The following FAM171A1 variants were observed in gnomAD, a reference collection of about 807,000 sequenced individuals.
The protein encoded by FAM171A1 is family with sequence similarity 171 member A1.
A neutral mutation model predicts 74.9 loss-of-function variants in FAM171A1; 23 were observed. That is an observed-to-expected ratio of 0.31 (90% CI 0.22 to 0.44). The LOEUF (loss-of-function observed/expected upper bound fraction) is 0.44, where lower values mean the gene tolerates loss of function less well. Ranked by LOEUF, FAM171A1 falls within the 20% of genes least tolerant of loss-of-function variation. The probability of loss-of-function intolerance (pLI) is 1.00; values close to 1 mark genes in which losing one functional copy is unlikely to be tolerated. For missense variants in FAM171A1, 1,162 were observed against 1,159.2 expected, an observed-to-expected ratio of 1.00 and a Z score of -0.03; for synonymous variants, 527 against 505.7, an observed-to-expected ratio of 1.04 and a Z score of -0.57.
chr10:15,215,595 A>C (rs1833957025), intron 7 of FAM171A1, among the ~76,000 whole-genome samples: 1 of 152,098 alleles, frequency 6.6e-6, no homozygotes, highest in Admixed American at 6.6e-5. Flanking sequence ...CGAACTTCTG[A>C]CCTCAAGTGA....
At chr10:15,328,037 T>C (rs2352776) in intron 1 of FAM171A1, among the ~76,000 whole-genome samples, 62,288 of 150,222 alleles carry the variant, frequency 0.41, 13,532 homozygotes, top group East Asian at 0.8. Flanking sequence ...GAAATAATGA[T>C]GTTGCCATTG....
At chr10:15,231,231 TTC>T (rs926070232) in intron 5 of FAM171A1, among the ~76,000 whole-genome samples, 1 of 151,670 alleles carries the variant, frequency 6.6e-6, no homozygotes, top group African/African-American at 2.4e-5. Context: ...TTGAGGCAGG[TTC>T]TCTCTCTATC....
chr10:15,228,041 T>C (rs1834131529), intron 5 of FAM171A1, among the ~76,000 whole-genome samples: 1 of 152,042 alleles, frequency 6.6e-6, no homozygotes, highest in African/African-American at 2.4e-5. Flanking sequence ...CAAATGGCCA[T>C]CAAAAGAGAA....
At chr10:15,271,046 CAGA>C (rs1447171490) in intron 3 of FAM171A1, among the ~76,000 whole-genome samples, 4 of 152,166 alleles carry the variant, frequency 2.6e-5, no homozygotes, top group African/African-American at 9.7e-5. Context: ...GATGAGCTGA[CAGA>C]AGAATGCTTC....
intron 1 of FAM171A1, among the ~76,000 whole-genome samples, chr10:15,304,060 A>T (rs747797897): frequency 2.4e-4 from 36 of 152,162 alleles, no homozygotes; most frequent in Admixed American, 5.2e-4. Context: ...GGCAATGGAG[A>T]AAAAGTTGCA....
chr10:15,371,117 G>C lies in FAM171A1; in HGVS notation c.-65C>G. The C allele has an allele frequency of 1.4e-6, 1 of 706,994 alleles. No individual in the cohort carries two copies. The highest frequency in any genetic ancestry group is 1.7e-6 in the Non-Finnish European group (1 of 579,232). The allele number at this position is 706,994 out of a possible 1,614,324, so 43.8% of individuals were successfully genotyped here. ...GCGGGCCGGGCGGCGGCGCGTCACGGGCGGCCGGGCGCCGCGCCCCCCTCC... is the reference window on the plus strand; with the variant it reads ...GCGGGCCGGGCGGCGGCGCGTCACGCGCGGCCGGGCGCCGCGCCCCCCTCC... On this transcript the variant is annotated 5_prime_UTR_variant, in exon 1 of 8. Coordinates refer to ENST00000378116, the MANE Select transcript of FAM171A1 (RefSeq NM_001010924.2).
intron 1 of FAM171A1, among the ~76,000 whole-genome samples, chr10:15,286,362 C>T (rs893370141): frequency 3.3e-5 from 5 of 152,124 alleles, no homozygotes; most frequent in Non-Finnish European, 7.3e-5. Context: ...CTCACTGTAA[C>T]CTCTGCCTGC....
intron 5 of FAM171A1, among the ~76,000 whole-genome samples, chr10:15,245,849 A>G (rs1319117838): frequency 2.6e-5 from 4 of 152,388 alleles, no homozygotes; most frequent in Admixed American, 2.6e-4. Flanking sequence ...TAATTTGCCC[A>G]AGGTGGGACT....
chr10:15,270,888 T>A (rs1287475541), intron 3 of FAM171A1, among the ~76,000 whole-genome samples: 1 of 152,034 alleles, frequency 6.6e-6, no homozygotes. Context: ...GTCACCATCA[T>A]CAAAGACCAA....
intron 2 of FAM171A1, among the ~76,000 whole-genome samples, chr10:15,276,758 C>G (rs1178794744): frequency 2.0e-5 from 3 of 152,180 alleles, no homozygotes; most frequent in African/African-American, 7.2e-5. Flanking sequence ...GGTTAGAACT[C>G]ACTGTAGCCT....
intron 3 of FAM171A1, among the ~76,000 whole-genome samples, chr10:15,267,827 C>T (rs7096681): frequency 0.99 from 150,573 of 152,142 alleles, 74,530 homozygotes; most frequent in Middle Eastern, 1. Context: ...ACAGCCACGA[C>T]GGACGAAGTG....
intron 1 of FAM171A1, among the ~76,000 whole-genome samples, chr10:15,295,234 G>A (rs978845763): frequency 4.6e-5 from 7 of 152,088 alleles, no homozygotes; most frequent in South Asian, 2.1e-4. Context: ...CACCACGCCC[G>A]GCCAGCATGC....
At chr10:15,256,315 C>T (rs1215942825) in intron 3 of FAM171A1, among the ~76,000 whole-genome samples, 1 of 152,204 alleles carries the variant, frequency 6.6e-6, no homozygotes, top group East Asian at 1.9e-4. Context: ...CCAAGTCTCT[C>T]TTCTTAAAGG....
At chr10:15,283,793 C>G in intron 2 of FAM171A1, 85 bp downstream of exon 2, 1 of 1,368,534 alleles carries the variant, frequency 7.3e-7, no homozygotes, top group Non-Finnish European at 1.0e-6. Context: ...CTATGTTGCC[C>G]AAGCTGGTTT....
intron 2 of FAM171A1, among the ~76,000 whole-genome samples, chr10:15,278,369 A>C (rs1201544769): frequency 6.6e-6 from 1 of 152,142 alleles, no homozygotes; most frequent in African/African-American, 2.4e-5. Flanking sequence ...ACACAGAGTG[A>C]CCCCAGGATG....
At chr10:15,322,525 A>C (rs1269884189) in intron 1 of FAM171A1, among the ~76,000 whole-genome samples, 2 of 152,238 alleles carry the variant, frequency 1.3e-5, no homozygotes, top group Non-Finnish European at 2.9e-5. Flanking sequence ...AGGTACCCCC[A>C]AAAGGACACT....
At chr10:15,259,476 C>T (rs1247222107) in intron 3 of FAM171A1, among the ~76,000 whole-genome samples, 1 of 152,090 alleles carries the variant, frequency 6.6e-6, no homozygotes, top group Non-Finnish European at 1.5e-5. Flanking sequence ...AATGAATAGA[C>T]CAATATAGAC....
intron 5 of FAM171A1, among the ~76,000 whole-genome samples, chr10:15,223,145 G>A (rs568955915): frequency 1.4e-4 from 21 of 152,320 alleles, no homozygotes; most frequent in African/African-American, 5.1e-4. Context: ...TTCGAGACCA[G>A]CCTGGGCAAC....
chr10:15,243,209 G>A (rs116493061), intron 5 of FAM171A1, among the ~76,000 whole-genome samples: 4,255 of 152,104 alleles, frequency 0.028, 81 homozygotes, highest in African/African-American at 0.04. Context: ...GCATGGCTCC[G>A]GCCTGCGCTC....
Sources: allele counts gnomAD v4.1 joint callset (sites outside exome capture counted in the v4.1 genomes callset), GRCh38; gene constraint gnomAD v4.1.1; transcripts MANE v1.5; gene names NCBI Gene and HGNC (gene_info 2026-07-23, HGNC 2026-07-21).